Variants in CDC25C observed in about 807,000 individuals in gnomAD.
CDC25C encodes the protein cell division cycle 25C.
In CDC25C, 48 loss-of-function variants were observed where a neutral mutation model predicts 52.5. The observed-to-expected ratio is 0.91, with a 90% confidence interval of 0.72 to 1.16. The LOEUF is 1.16. Among genes scored for constraint, CDC25C ranks in the 50% most tolerant of loss-of-function variants. The pLI, the probability that CDC25C is intolerant of heterozygous loss-of-function variation, is 0.00. For missense variants in CDC25C, 510 were observed against 566.1 expected (o/e 0.90, Z 1.01); for synonymous variants, 187 against 206.5 (o/e 0.91, Z 0.81).
chr5:138,324,673 G>A (rs568595788), intron 6 of CDC25C, among the ~76,000 whole-genome samples: 3 of 151,866 alleles, frequency 2.0e-5, no homozygotes, highest in Admixed American at 6.6e-5. Context: ...CAGGAAAATC[G>A]CTTGAACCCA....
chr5:138,312,775 T>C (rs559023127), intron 7 of CDC25C, among the ~76,000 whole-genome samples: 4 of 152,154 alleles, frequency 2.6e-5, no homozygotes, highest in Non-Finnish European at 5.9e-5. Context: ...TACACAACAA[T>C]GGGAATGTAT....
chr5:138,332,755 A>G (rs557824741), upstream of CDC25C, among the ~76,000 whole-genome samples: 18 of 152,234 alleles, frequency 1.2e-4, no homozygotes, highest in South Asian at 1.2e-3. Context: ...AATCCCAGCT[A>G]CTTGGGAGGC....
At chr5:138,328,913 T>G (rs1415778508) in intron 3 of CDC25C, 1 of 174,216 alleles carries the variant, frequency 5.7e-6, no homozygotes, top group Non-Finnish European at 1.2e-5. Flanking sequence ...ACAACATATT[T>G]CTTTTTTTTT....
intron 4 of CDC25C, among the ~76,000 whole-genome samples, chr5:138,327,180 G>A (rs1474711377): frequency 3.3e-5 from 5 of 151,472 alleles, no homozygotes; most frequent in Admixed American, 6.6e-5. Context: ...ACTTGAACCC[G>A]GGAGGCGGAG....
intron 8 of CDC25C, among the ~76,000 whole-genome samples, chr5:138,291,106 G>T (rs184507978): frequency 2.6e-5 from 4 of 152,026 alleles, no homozygotes; most frequent in Non-Finnish European, 5.9e-5. Flanking sequence ...AATATCCAAA[G>T]ATTTTAGAAT....
In CDC25C at chr5:138,319,302, T is replaced by C; in HGVS notation, c.532A>G (p.Lys178Glu). 6.2e-7 allele frequency: 1 copy of C among 1,613,132 alleles called. No homozygotes were observed. The highest frequency in any genetic ancestry group is 8.5e-7 in the Non-Finnish European group (1 of 1,179,136). The change falls in exon 7 of 14, where the codon AAA (lysine) becomes GAA (glutamate). Residue 178 changes from lysine (K) to glutamate (E), a missense_variant. Coordinates refer to ENST00000323760, the MANE Select transcript of CDC25C (RefSeq NM_001790.5). ...TGGTCTTCTCCTAGGTTTGGATTTTTATCCAATTTTGGAACAGTAGTAATG... is the reference window on the plus strand; with the variant it reads ...TGGTCTTCTCCTAGGTTTGGATTTTCATCCAATTTTGGAACAGTAGTAATG... ...SPITTVPKLD[K>E]NPNLGEDQAE...
chr5:138,331,188 G>T lies in CDC25C; in HGVS notation c.-8C>A, dbSNP rs1183915038. 1 of 1,613,548 alleles carries T rather than the reference G, an allele frequency of 6.2e-7. No homozygotes were observed. The highest frequency in any genetic ancestry group is 1.7e-5 in the Admixed American group (1 of 59,998). ...GAAGAGTTCCGTAGACATGGTCTTC[G>T]AATTCTCACCAGGAGAAAAACAAAA... On this transcript the variant is annotated 5_prime_UTR_variant, in exon 2 of 14. Coordinates refer to ENST00000323760, the MANE Select transcript of CDC25C (RefSeq NM_001790.5).
upstream of CDC25C, chr5:138,331,939 C>T (rs1157804189): frequency 1.0e-6 from 1 of 974,576 alleles, no homozygotes; most frequent in African/African-American, 1.8e-5. Flanking sequence ...GCTCGCAGAT[C>T]ACCTGGGGGC....
At chr5:138,319,635 G>T (rs1473109545) in intron 6 of CDC25C, among the ~76,000 whole-genome samples, 2 of 152,162 alleles carry the variant, frequency 1.3e-5, no homozygotes, top group Non-Finnish European at 2.9e-5. Context: ...GAAAACATTT[G>T]CAAGTCTTAT....
Position 138,286,097 on chromosome 5 carries a change from G to A in CDC25C, c.1197C>T (p.Asn399=). 5.0e-6 allele frequency: 8 copies of A among 1,614,036 alleles called. No homozygotes were observed. Among genetic ancestry groups the A allele is most frequent in the Non-Finnish European group, 6.8e-6 (8 of 1,179,950 alleles). The change falls in exon 13 of 14, where the codon AAC becomes AAT. Residue 399 remains asparagine, a synonymous_variant. Coordinates refer to ENST00000323760, the MANE Select transcript of CDC25C (RefSeq NM_001790.5). ...RCLREEDRSL[N]QYPALYYPEL... is the part of the protein sequence containing the mutation. ...CTGGGTAGTACAATGCAGGATACTG[G>A]TTCAGAGACCTGTCCTCTTCACGCA...
chr5:138,320,833 C>G (rs1237500940), intron 6 of CDC25C, among the ~76,000 whole-genome samples: 3 of 147,128 alleles, frequency 2.0e-5, no homozygotes, highest in Non-Finnish European at 4.5e-5. Context: ...TAAGAATCAC[C>G]TGAACCTGGG....
chr5:138,302,224 T>C (rs1757682632), intron 7 of CDC25C, among the ~76,000 whole-genome samples: 2 of 151,692 alleles, frequency 1.3e-5, no homozygotes, highest in South Asian at 4.2e-4. Flanking sequence ...CTCGATCTCC[T>C]GACCTCGAGT....
chr5:138,308,543 C>G (rs1487250304), intron 7 of CDC25C, among the ~76,000 whole-genome samples: 1 of 151,934 alleles, frequency 6.6e-6, no homozygotes, highest in African/African-American at 2.4e-5. Context: ...TTCGGAAGCC[C>G]TAGAAACCTT....
chr5:138,331,800 A>G lies in CDC25C; in HGVS notation c.-244T>C, dbSNP rs1243234108. On this transcript the variant is annotated 5_prime_UTR_variant, in exon 1 of 14. Transcript: ENST00000323760. ...AGGCCAAAGTTACGGCCTCTGAGCA[A>G]GAATATCAACAGCCGCAGGCGTTGA... 8.1e-6 allele frequency: 8 copies of G among 986,084 alleles called. No homozygotes were observed. The highest frequency in any genetic ancestry group is 9.6e-6 in the Non-Finnish European group (8 of 830,532). The allele number at this position is 986,084 out of a possible 1,614,324, so 61.1% of individuals were successfully genotyped here. A position where few individuals can be genotyped will look rare whatever the true frequency, so the allele number is the denominator to read the frequency against.
intron 6 of CDC25C, among the ~76,000 whole-genome samples, chr5:138,324,132 G>A (rs1417479525): frequency 2.5e-4 from 38 of 151,630 alleles, no homozygotes; most frequent in African/African-American, 7.3e-4. Flanking sequence ...TTAGCTGGGC[G>A]TGGCAGCATG....
At chr5:138,287,312 A>C (rs1756338828) in intron 10 of CDC25C, 45 bp from the exon 11 acceptor site, 2 of 1,323,262 alleles carry the variant, frequency 1.5e-6, no homozygotes, top group South Asian at 1.2e-5. Flanking sequence ...TGCCACTCTG[A>C]GGGAGAGAAG....
intron 7 of CDC25C, among the ~76,000 whole-genome samples, chr5:138,295,970 AATT>A (rs1422159743): frequency 6.6e-5 from 10 of 152,152 alleles, no homozygotes; most frequent in Admixed American, 2.0e-4. Context: ...TTAATTAAAT[AATT>A]ATTATTTTAT....
chr5:138,296,627 AC>A (rs1209774499), intron 7 of CDC25C, among the ~76,000 whole-genome samples: 2 of 144,250 alleles, frequency 1.4e-5, no homozygotes, highest in African/African-American at 5.1e-5. Context: ...TTTTTTTGAG[AC>A]AGAGTCTCGC....
chr5:138,286,538 G>A lies in CDC25C; in HGVS notation c.1119C>T (p.Ile373=), dbSNP rs144706977. 16 of 1,613,878 alleles carry A rather than the reference G, an allele frequency of 9.9e-6. No homozygotes were observed. Among genetic ancestry groups the A allele is most frequent in the South Asian group, 5.5e-5 (5 of 91,066 alleles). Residue 373 remains isoleucine (I), a synonymous_variant, in exon 12 of 14, where the codon ATC becomes ATT. Transcript: ENST00000323760. The part of the protein sequence containing the change: ...VPLDTQKRII[I]VFHCEFSSER... ...CTGAGGAGAATTCACAGTGGAACAC[G>A]ATGATTATTCTCTTCTGGGTGTCCA... is the stretch of plus-strand genomic sequence containing the variant.
Sources: allele counts gnomAD v4.1 joint callset (sites outside exome capture counted in the v4.1 genomes callset), GRCh38; gene constraint gnomAD v4.1.1; transcripts MANE v1.5; gene names NCBI Gene and HGNC (gene_info 2026-07-23, HGNC 2026-07-21).